SAXO5: variants seen among roughly 807,000 people sequenced by gnomAD.
SAXO5 encodes the protein stabilizer of axonemal microtubules 5.
At chr19:7,507,403 T>C in the SAXO5 span, among the ~76,000 whole-genome samples, 6,015 of 152,080 alleles carry the variant, frequency 0.04, 350 homozygotes, top group African/African-American at 0.13. Context: ...GCCAACATGG[T>C]GAAACCCCGT....
At chr19:7,506,826 G>A in the SAXO5 span, 2 of 293,270 alleles carry the variant, frequency 6.8e-6, no homozygotes, top group South Asian at 6.1e-5. Context: ...CTTCCCCAGC[G>A]CCTACCTCTT....
At chr19:7,501,306 C>A in the SAXO5 span, 1 of 1,572,656 alleles carries the variant, frequency 6.4e-7, no homozygotes, top group Non-Finnish European at 8.5e-7. Context: ...TCCTGGCGAC[C>A]GCGACAAGTT....
chr19:7,501,120 C>T, the SAXO5 span: 1 of 1,506,274 alleles, frequency 6.6e-7, no homozygotes, highest in African/African-American at 1.5e-5. Flanking sequence ...GCTGCAAGCG[C>T]AGGCGCGGGA....
the SAXO5 span, chr19:7,501,037 G>C: frequency 6.6e-7 from 1 of 1,520,182 alleles, no homozygotes; most frequent in South Asian, 1.2e-5. Context: ...ATGGACCCGC[G>C]CTGGGACCGG....
the SAXO5 span, chr19:7,504,396 A>T: frequency 4.3e-6 from 7 of 1,613,720 alleles, no homozygotes; most frequent in Non-Finnish European, 5.9e-6. Context: ...AGGCCCCAGG[A>T]TCTGCCTGAA....
the SAXO5 span, among the ~76,000 whole-genome samples, chr19:7,501,991 G>A: frequency 6.6e-6 from 1 of 152,024 alleles, no homozygotes; most frequent in Non-Finnish European, 1.5e-5. Context: ...TGTAATCCCA[G>A]TGCTTTGGGA....
At chr19:7,505,726 T>C in the SAXO5 span, 11 of 1,185,452 alleles carry the variant, frequency 9.3e-6, no homozygotes, top group South Asian at 1.0e-4. Flanking sequence ...TTGATATGTA[T>C]GCAGGAATCT....
At chr19:7,506,195 G>A in the SAXO5 span, 14 of 1,529,118 alleles carry the variant, frequency 9.2e-6, no homozygotes, top group Admixed American at 2.1e-4. Context: ...CCCGCCCCAT[G>A]GAGCCCCGCC....
chr19:7,498,198 CA>C, the SAXO5 span, among the ~76,000 whole-genome samples: 14 of 150,982 alleles, frequency 9.3e-5, no homozygotes, highest in Non-Finnish European at 1.5e-4. Context: ...CACACACACA[CA>C]CCCTTCATCC....
At chr19:7,508,107 C>T in the SAXO5 span, 1 of 980,102 alleles carries the variant, frequency 1.0e-6, no homozygotes, top group Non-Finnish European at 1.5e-6. Flanking sequence ...CTGCCTGGCC[C>T]CGCCCCCTGA....
the SAXO5 span, among the ~76,000 whole-genome samples, chr19:7,500,453 C>A: frequency 6.7e-6 from 1 of 149,982 alleles, no homozygotes; most frequent in Non-Finnish European, 1.5e-5. Flanking sequence ...GGGCGCCCAC[C>A]ACCACTCCAG....
the SAXO5 span, chr19:7,507,060 C>A: frequency 8.7e-6 from 14 of 1,613,818 alleles, no homozygotes; most frequent in Non-Finnish European, 1.1e-5. Flanking sequence ...CTCCAGAATT[C>A]GATTTTTTAA....
chr19:7,504,600 G>A, the SAXO5 span, among the ~76,000 whole-genome samples: 11,568 of 151,890 alleles, frequency 0.076, 722 homozygotes, highest in Admixed American at 0.18. Flanking sequence ...CAGTTACTCC[G>A]GAGGCTGAGG....
At chr19:7,508,180 C>T in the SAXO5 span, 3 of 1,602,076 alleles carry the variant, frequency 1.9e-6, no homozygotes, top group Non-Finnish European at 2.6e-6. Flanking sequence ...GGCTGCCCTG[C>T]CAGGCTGTCC....
At chr19:7,498,367 T>C in the SAXO5 span, among the ~76,000 whole-genome samples, 14 of 150,452 alleles carry the variant, frequency 9.3e-5, no homozygotes, top group East Asian at 2.7e-3. Flanking sequence ...CATACTACCA[T>C]GCCCAGCTAA....
the SAXO5 span, among the ~76,000 whole-genome samples, chr19:7,498,713 A>T: frequency 3.3e-5 from 5 of 152,048 alleles, no homozygotes; most frequent in African/African-American, 1.2e-4. Context: ...TTTTCTAAAT[A>T]GGTAGAGGTA....
At chr19:7,507,290 A>C in the SAXO5 span, 2 of 697,210 alleles carry the variant, frequency 2.9e-6, no homozygotes. Flanking sequence ...CCTGAAGATC[A>C]TCCCTAGCTT....
chr19:7,508,439 T>C, the SAXO5 span: 1 of 1,602,592 alleles, frequency 6.2e-7, no homozygotes, highest in South Asian at 1.1e-5. Context: ...AAATGCCATC[T>C]TGGCAACATT....
At chr19:7,501,711 C>A in the SAXO5 span, among the ~76,000 whole-genome samples, 26 of 151,934 alleles carry the variant, frequency 1.7e-4, no homozygotes, top group African/African-American at 6.0e-4. Context: ...ATCCCAGCTA[C>A]TTGAGAGGCT....
Sources: gnomAD v4.1 joint callset for allele counts (sites outside exome capture counted in the v4.1 genomes callset) on GRCh38, gnomAD v4.1.1 for gene constraint, MANE v1.5 for transcripts, NCBI Gene and HGNC (gene_info 2026-07-23, HGNC 2026-07-21) for gene names.